The following EDC3 variants were observed in gnomAD, a reference collection of about 807,000 sequenced individuals.
EDC3 encodes enhancer of mRNA decapping 3, also known as enhancer of mRNA-decapping protein 3.
In EDC3, 20 loss-of-function variants were observed where a neutral mutation model predicts 41.8. The ratio of observed to expected loss-of-function variants is 0.48; its 90% CI spans 0.34 to 0.70. The LOEUF (loss-of-function observed/expected upper bound fraction) is 0.70. EDC3 is among the 30% of genes least tolerant of loss of function. The pLI is 0.01. For synonymous variants in EDC3, 206 were observed against 243.2 expected (o/e 0.85, Z 1.42); for missense variants, 444 against 636.8 (o/e 0.70, Z 3.26).
intron 4 of EDC3, among the ~76,000 whole-genome samples, chr15:74,646,749 G>C (rs1035654204): frequency 6.6e-6 from 1 of 152,142 alleles, no homozygotes; most frequent in Non-Finnish European, 1.5e-5. Context: ...GTTTTATGCA[G>C]GATAAAGTTG....
chr15:74,695,615 T>A (rs1339811299), intron 1 of EDC3: 1 of 152,254 alleles, frequency 6.6e-6, no homozygotes, highest in Non-Finnish European at 1.5e-5. Flanking sequence ...AAGGCTGGAC[T>A]AAGGGCCCAA....
intron 3 of EDC3, among the ~76,000 whole-genome samples, chr15:74,662,433 A>G (rs189250996): frequency 6.9e-6 from 1 of 145,370 alleles, no homozygotes; most frequent in African/African-American, 2.7e-5. Flanking sequence ...ATATATATAT[A>G]TATTTTTTTT....
chr15:74,680,088 C>T (rs1413099290), intron 1 of EDC3, among the ~76,000 whole-genome samples: 1 of 151,756 alleles, frequency 6.6e-6, no homozygotes, highest in Admixed American at 6.6e-5. Flanking sequence ...TGGTGAAACC[C>T]TGTCTCTACT....
chr15:74,667,874 G>A (rs1051300184), intron 3 of EDC3, among the ~76,000 whole-genome samples: 4 of 152,130 alleles, frequency 2.6e-5, no homozygotes, highest in African/African-American at 9.7e-5. Context: ...CACTCCCTGG[G>A]TGTGGGCTGC....
At position 74,671,030 on chromosome 15, in the gene EDC3, T is replaced by G. The variant is rs905457294; in HGVS notation, c.484+425A>C. Among the ~76,000 whole-genome samples the G allele has an allele frequency of 1.3e-5, 2 of 150,822 alleles. No individual in the cohort carries two copies. Among genetic ancestry groups the G allele is most frequent in the African/African-American group, 2.4e-5 (1 of 41,052 alleles). ...CCAACATCAGTAACAGGATTTAAGT[T>G]TTTTTTTTTTTCTTTTTCAGAAACA... is the stretch of plus-strand genomic sequence containing the variant. On this transcript the variant is annotated intron_variant, in intron 3 of 6. Coordinates refer to ENST00000315127, the MANE Select transcript of EDC3 (RefSeq NM_025083.5). This position sits in a 1 kb window ranked among gnomAD's most constrained non-coding sequence, Gnocchi z 4.6.
At chr15:74,688,876 C>T (rs1321508021) in intron 1 of EDC3, among the ~76,000 whole-genome samples, 1 of 145,072 alleles carries the variant, frequency 6.9e-6, no homozygotes, top group African/African-American at 2.6e-5. Context: ...TACTGCACTC[C>T]AGTATGGGTG....
chr15:74,653,948 G>A (rs2062512054), intron 4 of EDC3, among the ~76,000 whole-genome samples: 2 of 152,040 alleles, frequency 1.3e-5, no homozygotes, highest in African/African-American at 4.8e-5. Context: ...ATCTTCCCAA[G>A]TTAAAAAAAT....
At chr15:74,650,355 A>C (rs2062466469) in intron 4 of EDC3, among the ~76,000 whole-genome samples, 1 of 152,142 alleles carries the variant, frequency 6.6e-6, no homozygotes, top group Non-Finnish European at 1.5e-5. Flanking sequence ...GCTAATGACC[A>C]GTCTCCCACA....
At position 74,632,809 on chromosome 15, in the gene EDC3, G is replaced by A. The variant is rs547318062; in HGVS notation, c.1330C>T (p.Pro444Ser). 1.2e-6 allele frequency: 2 copies of A among 1,614,234 alleles called. No homozygotes were observed. Residue 444 changes from proline (P) to serine (S), a missense_variant, in exon 7 of 7, where the codon CCT becomes TCT. Physicochemically the swap from Pro to Ser is moderately conservative, Grantham distance 74 (BLOSUM62 -1). This residue lies in a region of EDC3 where 242 missense variants were observed against 363.8 expected (regional missense o/e 0.67). Coordinates refer to ENST00000315127, the MANE Select transcript of EDC3 (RefSeq NM_025083.5). The surrounding 1 kb of genome is among the most constrained non-coding windows in gnomAD (Gnocchi z 4.0). ...QNRAPVLSID[P>S]PVHEVEQGID... ...CCCTGTTCGACTTCATGCACAGGAG[G>A]GTCTATGCTGAGTACTGGTGCCCGG...
At chr15:74,665,987 G>A (rs113413440) in intron 3 of EDC3, among the ~76,000 whole-genome samples, 1 of 151,642 alleles carries the variant, frequency 6.6e-6, no homozygotes, top group Admixed American at 6.6e-5. Flanking sequence ...GTGTACAGAC[G>A]GGGTTTCACC....
chr15:74,693,795 C>T (rs1238603287), intron 1 of EDC3, among the ~76,000 whole-genome samples: 1 of 152,056 alleles, frequency 6.6e-6, no homozygotes. Flanking sequence ...ACCAGCCCGG[C>T]CAACATGGTG....
At chr15:74,693,663 C>A (rs1461579553) in intron 1 of EDC3, among the ~76,000 whole-genome samples, 1 of 152,120 alleles carries the variant, frequency 6.6e-6, no homozygotes, top group Non-Finnish European at 1.5e-5. Context: ...CTGGCAAATT[C>A]CTCCATCTCG....
intron 4 of EDC3, among the ~76,000 whole-genome samples, chr15:74,646,351 G>A (rs1033739096): frequency 5.3e-5 from 8 of 152,188 alleles, no homozygotes; most frequent in African/African-American, 1.9e-4. Flanking sequence ...GGGATTACGG[G>A]CGTGAGCCAC....
chr15:74,646,557 T>C (rs752753177), intron 4 of EDC3, among the ~76,000 whole-genome samples: 5 of 152,302 alleles, frequency 3.3e-5, no homozygotes, highest in Non-Finnish European at 5.9e-5. Context: ...GGCAGGACTG[T>C]AGTCACAATG....
chr15:74,657,024 C>T (rs1234479884), intron 3 of EDC3, among the ~76,000 whole-genome samples: 1 of 152,254 alleles, frequency 6.6e-6, no homozygotes, highest in Non-Finnish European at 1.5e-5. Flanking sequence ...AAATCACCCA[C>T]ATTTACCATC....
At chr15:74,689,475 C>T (rs1308878899) in intron 1 of EDC3, among the ~76,000 whole-genome samples, 1 of 152,110 alleles carries the variant, frequency 6.6e-6, no homozygotes, top group African/African-American at 2.4e-5. Flanking sequence ...CAAGAACTTG[C>T]TACCAAAGTT....
chr15:74,658,007 C>A (rs148829112), intron 3 of EDC3, among the ~76,000 whole-genome samples: 1 of 152,112 alleles, frequency 6.6e-6, no homozygotes, highest in African/African-American at 2.4e-5. Flanking sequence ...TCTCTGACAC[C>A]TTATTTGGCT....
At chr15:74,674,173 T>C (rs559850375) in intron 2 of EDC3, among the ~76,000 whole-genome samples, 3 of 152,160 alleles carry the variant, frequency 2.0e-5, no homozygotes, top group East Asian at 1.9e-4. Flanking sequence ...GGTGCTATCA[T>C]AGCTCACTGC....
At chr15:74,644,299 T>C (rs1399540565) in intron 4 of EDC3, 3 of 152,248 alleles carry the variant, frequency 2.0e-5, no homozygotes, top group African/African-American at 7.2e-5. Context: ...TTCACATGCT[T>C]TCTCCATCCC....
Sources: gnomAD v4.1 joint callset for allele counts (sites outside exome capture counted in the v4.1 genomes callset) on GRCh38, gnomAD v4.1.1 for gene constraint, gnomAD v4.1.1 regional missense constraint, Gnocchi (gnomAD v3.1) non-coding constraint, MANE v1.5 for transcripts, NCBI Gene and HGNC (gene_info 2026-07-23, HGNC 2026-07-21) for gene names.